The following SEPTIN9 variants were observed in gnomAD, a reference collection of about 807,000 sequenced individuals.
SEPTIN9 encodes the protein septin-9.
Under a neutral mutation model 56.6 loss-of-function variants are expected in SEPTIN9, and 13 were observed. The observed-to-expected ratio is 0.23, with a 90% CI of 0.15 to 0.37. The LOEUF is 0.37. Ranked by LOEUF, SEPTIN9 falls within the 10% of genes least tolerant of loss-of-function variation. The pLI is 1.00. For synonymous variants in SEPTIN9, 332 were observed against 334.1 expected (o/e 0.99, Z 0.07); for missense variants, 650 against 823.1 (o/e 0.79, Z 2.57).
chr17:77,488,699 T>C lies in SEPTIN9; in HGVS notation c.1125-28T>C, dbSNP rs370531. On this transcript the variant is annotated intron_variant, in intron 6 of 11. Coordinates refer to ENST00000427177, the MANE Select transcript of SEPTIN9 (RefSeq NM_001113491.2). ...GCTTGGGGAGGGCATCTCATGTGCC[T>C]GCTGACTCGTCCCCATCCCCCACGC... The C allele has an allele frequency of 0.49, 786,086 of 1,612,244 alleles. 197,601 individuals are homozygous for C. Among genetic ancestry groups the C allele is most frequent in the African/African-American group, 0.78 (58,729 of 74,934 alleles).
chr17:77,294,083 G>T (rs1360241745), intron 1 of SEPTIN9, among the ~76,000 whole-genome samples: 1 of 143,636 alleles, frequency 7.0e-6, no homozygotes, highest in East Asian at 2.1e-4. Flanking sequence ...CAGCCTGGGT[G>T]AGAGAGTGAG....
rs202194441 is a variant in SEPTIN9, at chr17:77,413,940, CTTTTTTTTT to C, written c.721+11246_721+11254del. Among the ~76,000 whole-genome samples the C allele has an allele frequency of 2.3e-4, 29 of 125,766 alleles. No individual in the cohort carries two copies. The East Asian group carries it at 5.4e-3, about 24-fold the overall frequency. 82.5% of individuals were successfully genotyped at this position (125,766 alleles called of 152,430 possible). ...ATGCGTGTGCTACACTCAGTATTTT[CTTTTTTTTT>C]TTTTTTTTCCCCTCTCTCTTTTTTT... On this transcript the variant is annotated intron_variant, in intron 3 of 11. Coordinates refer to ENST00000427177, the MANE Select transcript of SEPTIN9 (RefSeq NM_001113491.2).
At chr17:77,388,448 A>T (rs2035415823) in intron 2 of SEPTIN9, among the ~76,000 whole-genome samples, 1 of 151,946 alleles carries the variant, frequency 6.6e-6, no homozygotes, top group Non-Finnish European at 1.5e-5. Flanking sequence ...GGTCCTCCTC[A>T]CCCTGGAGTT....
chr17:77,318,357 C>T lies in SEPTIN9; in HGVS notation c.76+11160C>T, dbSNP rs917619157. On this transcript the variant is annotated intron_variant, in intron 2 of 11. Coordinates refer to ENST00000427177, the MANE Select transcript of SEPTIN9 (RefSeq NM_001113491.2). The surrounding 1 kb of genome is among the most constrained non-coding windows in gnomAD (Gnocchi z 4.9). ...CTCTGCCCCCGTCTTGTATGAGCAC[C>T]GAGACTGCCTTTAGGGACCACCTAG... 3.3e-5 allele frequency among the ~76,000 whole-genome samples: 5 copies of T among 152,056 alleles called. No homozygotes were observed. Among genetic ancestry groups the T allele is most frequent in the African/African-American group, 7.2e-5 (3 of 41,396 alleles).
chr17:77,372,115 G>A (rs1423264974), intron 2 of SEPTIN9, among the ~76,000 whole-genome samples: 1 of 152,200 alleles, frequency 6.6e-6, no homozygotes, highest in Non-Finnish European at 1.5e-5. Flanking sequence ...GTAGCGTTGC[G>A]GCCTGCTGCT....
intron 2 of SEPTIN9, among the ~76,000 whole-genome samples, chr17:77,364,377 T>C (rs534600408): frequency 9.2e-5 from 14 of 152,212 alleles, no homozygotes; most frequent in Non-Finnish European, 2.1e-4. Context: ...GTATATTTGG[T>C]GACATAAAAC....
Position 77,413,803 on chromosome 17 carries a change from G to A in SEPTIN9, c.721+11100G>A, listed in dbSNP as rs1000061680. Among the ~76,000 whole-genome samples the A allele has an allele frequency of 6.6e-5, 10 of 151,968 alleles. 1 individual carries two copies. Among genetic ancestry groups the A allele is most frequent in the Non-Finnish European group, 1.5e-4 (10 of 67,996 alleles). Reference sequence around the variant, plus strand: ...AAACCAGTCTGGACTGCAGCCTCCAGAAAGACATGCGATTGACACCACGAA... The same window carrying A: ...AAACCAGTCTGGACTGCAGCCTCCAAAAAGACATGCGATTGACACCACGAA... On this transcript the variant is annotated intron_variant, in intron 3 of 11. Transcript: ENST00000427177.
chr17:77,464,671 GCT>G (rs1157885094), intron 3 of SEPTIN9, among the ~76,000 whole-genome samples: 2 of 151,754 alleles, frequency 1.3e-5, no homozygotes, highest in African/African-American at 4.8e-5. Context: ...CGCGATCTTG[GCT>G]CACTGCAAGC....
chr17:77,413,635 C>T (rs2036381943), intron 3 of SEPTIN9, among the ~76,000 whole-genome samples: 1 of 151,962 alleles, frequency 6.6e-6, no homozygotes, highest in African/African-American at 2.4e-5. Flanking sequence ...GACCCCTGCA[C>T]CCTTAGGAGA....
In SEPTIN9 at chr17:77,456,843, A is replaced by G. The variant is rs1283284245; in HGVS notation, c.722-25301A>G. 6.6e-6 allele frequency among the ~76,000 whole-genome samples: 1 copy of G among 151,902 alleles called. No homozygotes were observed. The highest frequency in any genetic ancestry group is 2.4e-5 in the African/African-American group (1 of 41,340). ...CAGCCAAGGACAAGTCCCCACGGCCAATACCAGATCCCAGTGACCAGCACT... is the reference window on the plus strand; with the variant it reads ...CAGCCAAGGACAAGTCCCCACGGCCGATACCAGATCCCAGTGACCAGCACT... On this transcript the variant is annotated intron_variant, in intron 3 of 11. Coordinates refer to ENST00000427177, the MANE Select transcript of SEPTIN9 (RefSeq NM_001113491.2). This position sits in a 1 kb window ranked among gnomAD's most constrained non-coding sequence, Gnocchi z 6.0.
Position 77,330,435 on chromosome 17 carries a change from A to C in SEPTIN9, c.76+23238A>C, listed in dbSNP as rs892964. 0.47 allele frequency among the ~76,000 whole-genome samples: 71,012 copies of C among 151,958 alleles called. 17,303 individuals are homozygous for C. Among genetic ancestry groups the C allele is most frequent in the East Asian group, 0.79 (4,054 of 5,162 alleles). On this transcript the variant is annotated intron_variant, in intron 2 of 11. Transcript: ENST00000427177. The surrounding 1 kb of genome is among the most constrained non-coding windows in gnomAD (Gnocchi z 4.4). Reference sequence around the variant, plus strand: ...CATGTTGATGTGGGCCCTGAGCCATAATCTCACCAGCTCCTGAGTTTTGGC... The same window carrying C: ...CATGTTGATGTGGGCCCTGAGCCATCATCTCACCAGCTCCTGAGTTTTGGC...
chr17:77,495,090 G>A (rs180975943), intron 10 of SEPTIN9, among the ~76,000 whole-genome samples: 9 of 152,312 alleles, frequency 5.9e-5, no homozygotes, highest in African/African-American at 1.2e-4. Context: ...ACGGGCCGGC[G>A]GCTTTGCTAT....
rs1413093438 is a variant in SEPTIN9 at position 77,499,287 on chromosome 17, C to T, written c.*629C>T. On this transcript the variant is annotated 3_prime_UTR_variant, in exon 12 of 12. Transcript: ENST00000427177. ...GCTGCCCCTCCTGGAGCAGAAAGTGCCTTTATCTCAGCCATCCGCAGACTG... is the reference window on the plus strand; with the variant it reads ...GCTGCCCCTCCTGGAGCAGAAAGTGTCTTTATCTCAGCCATCCGCAGACTG... 8.4e-6 allele frequency: 5 copies of T among 598,018 alleles called. No individual in the cohort carries two copies. The African/African-American group carries it at 9.0e-5, about 11-fold the overall frequency. The allele number at this position is 598,018 out of a possible 1,614,324, so 37.0% of individuals were successfully genotyped here. A position where few individuals can be genotyped will look rare whatever the true frequency, so the allele number is the denominator to read the frequency against.
chr17:77,413,960 C>CTCTCT (rs34029658), intron 3 of SEPTIN9, among the ~76,000 whole-genome samples: 44 of 146,278 alleles, frequency 3.0e-4, no homozygotes, highest in African/African-American at 1.1e-3. Context: ...TTTTTTTTCC[C>CTCTCT]CTCTCTCTTT....
intron 2 of SEPTIN9, among the ~76,000 whole-genome samples, chr17:77,350,757 T>G (rs1598233700): frequency 2.9e-5 from 4 of 137,664 alleles, no homozygotes; most frequent in African/African-American, 8.2e-5. Context: ...GGGGCGGGGG[T>G]GAGGGTGGGA....
chr17:77,453,252 G>T lies in SEPTIN9; in HGVS notation c.722-28892G>T, dbSNP rs2038055562. On this transcript the variant is annotated intron_variant, in intron 3 of 11. Coordinates refer to ENST00000427177, the MANE Select transcript of SEPTIN9 (RefSeq NM_001113491.2). This position sits in a 1 kb window ranked among gnomAD's most constrained non-coding sequence, Gnocchi z 4.4. ...AGAGCCCTGCTTTAATGGAAGGCGG[G>T]GGCATAGTTGCAGGCAGAAGCCATC... 6.6e-6 allele frequency among the ~76,000 whole-genome samples: 1 copy of T among 152,076 alleles called. No individual in the cohort carries two copies. Among genetic ancestry groups the T allele is most frequent in the Non-Finnish European group, 1.5e-5 (1 of 68,024 alleles).
At chr17:77,362,884 T>G (rs574815170) in intron 2 of SEPTIN9, among the ~76,000 whole-genome samples, 1 of 152,284 alleles carries the variant, frequency 6.6e-6, no homozygotes, top group Non-Finnish European at 1.5e-5. Flanking sequence ...AGCTGAGACC[T>G]GAAGACAGAT....
intron 3 of SEPTIN9, among the ~76,000 whole-genome samples, chr17:77,480,319 C>T (rs1036893383): frequency 6.6e-6 from 1 of 152,220 alleles, no homozygotes; most frequent in Non-Finnish European, 1.5e-5. Context: ...TTTCCTCTCT[C>T]ACCTCTGATG....
At chr17:77,311,218 G>A (rs968780242) in intron 2 of SEPTIN9, among the ~76,000 whole-genome samples, 5 of 139,806 alleles carry the variant, frequency 3.6e-5, no homozygotes, top group Non-Finnish European at 1.5e-5. Flanking sequence ...AGGCAAGGAA[G>A]GACCCCCCCC....
Sources: allele counts gnomAD v4.1 joint callset (sites outside exome capture counted in the v4.1 genomes callset), GRCh38; gene constraint gnomAD v4.1.1; non-coding constraint Gnocchi (gnomAD v3.1); transcripts MANE v1.5; gene names NCBI Gene and HGNC (gene_info 2026-07-23, HGNC 2026-07-21).